The following SLC24A2 variants were observed in gnomAD, a reference collection of about 807,000 sequenced individuals.
SLC24A2 encodes sodium/potassium/calcium exchanger 2.
SLC24A2 carries 36 observed loss-of-function variants against 62.0 expected under a neutral mutation model. That is an observed-to-expected ratio of 0.58 (90% CI 0.44 to 0.77). The LOEUF is 0.77. Ranked by LOEUF, SLC24A2 falls within the 30% of genes least tolerant of loss-of-function variation. SLC24A2 has a pLI of 0.00. For synonymous variants in SLC24A2, 358 were observed against 294.0 expected, an observed-to-expected ratio of 1.22 and a Z score of -2.23; for missense variants, 846 against 817.9, an observed-to-expected ratio of 1.03 and a Z score of -0.42.
the SLC24A2 span, among the ~76,000 whole-genome samples, chr9:20,140,521 A>G: frequency 5.9e-5 from 9 of 152,154 alleles, no homozygotes; most frequent in Admixed American, 5.9e-4. Flanking sequence ...ATTTACAGCT[A>G]TTGGATGCAG....
chr9:20,264,145 A>G, the SLC24A2 span, among the ~76,000 whole-genome samples: 1 of 152,054 alleles, frequency 6.6e-6, no homozygotes, highest in Non-Finnish European at 1.5e-5. Flanking sequence ...AGGTGTAACA[A>G]AGGCAGTTAG....
chr9:19,958,920 T>C, the SLC24A2 span, among the ~76,000 whole-genome samples: 1 of 152,216 alleles, frequency 6.6e-6, no homozygotes, highest in Non-Finnish European at 1.5e-5. Flanking sequence ...TAATACATGA[T>C]TCTTTGGGAT....
chr9:19,939,778 A>G, the SLC24A2 span, among the ~76,000 whole-genome samples: 1 of 152,208 alleles, frequency 6.6e-6, no homozygotes, highest in Non-Finnish European at 1.5e-5. Flanking sequence ...GTTGACCAAA[A>G]TGTCATCATG....
At chr9:19,625,229 G>A (rs1818004112) in intron 2 of SLC24A2, among the ~76,000 whole-genome samples, 1 of 151,984 alleles carries the variant, frequency 6.6e-6, no homozygotes, top group Non-Finnish European at 1.5e-5. Flanking sequence ...ACTCATTTGG[G>A]CTGTATTAAT....
chr9:19,897,688 TC>T, the SLC24A2 span, among the ~76,000 whole-genome samples: 2 of 152,174 alleles, frequency 1.3e-5, no homozygotes, highest in Non-Finnish European at 2.9e-5. Context: ...TTTAAATCGT[TC>T]CCATTTTATC....
In SLC24A2 at chr9:19,507,813, G is replaced by C. The variant is rs1275139567; in HGVS notation, c.*8340C>G. 6.6e-6 allele frequency: 1 copy of C among 152,228 alleles called. No homozygotes were observed. The highest frequency in any genetic ancestry group is 1.9e-4 in the East Asian group (1 of 5,198). The allele number at this position is 152,228 out of a possible 1,614,324, so 9.4% of individuals were successfully genotyped here. On this transcript the variant is annotated 3_prime_UTR_variant, in exon 11 of 11. Coordinates refer to ENST00000341998, the MANE Select transcript of SLC24A2 (RefSeq NM_020344.4). ...TCCACTGGATTTTTGTAGGGATGAG[G>C]ATAGGGGTTACAATGCTCCTTTAAA...
chr9:19,717,204 C>A (rs543982372), intron 2 of SLC24A2, among the ~76,000 whole-genome samples: 5 of 152,296 alleles, frequency 3.3e-5, no homozygotes, highest in African/African-American at 1.2e-4. Context: ...GGCCAAAGGG[C>A]TCCAAGTTTT....
chr9:20,096,076 C>CATCT, the SLC24A2 span, among the ~76,000 whole-genome samples: 1 of 144,392 alleles, frequency 6.9e-6, no homozygotes, highest in African/African-American at 2.8e-5. Flanking sequence ...TGTATCCATC[C>CATCT]ATCCATCCAT....
the SLC24A2 span, among the ~76,000 whole-genome samples, chr9:20,133,656 T>G: frequency 0.012 from 1,754 of 152,314 alleles, 27 homozygotes; most frequent in African/African-American, 0.04. Flanking sequence ...TTTCATTTAC[T>G]TCATTATTTC....
At chr9:19,800,632 A>C in the SLC24A2 span, among the ~76,000 whole-genome samples, 6 of 150,990 alleles carry the variant, frequency 4.0e-5, no homozygotes, top group African/African-American at 1.5e-4. Flanking sequence ...TGTATTATAC[A>C]GTACTACTAC....
chr9:19,522,891 T>C (rs1439755973), intron 9 of SLC24A2, among the ~76,000 whole-genome samples: 2 of 152,366 alleles, frequency 1.3e-5, no homozygotes, highest in Non-Finnish European at 2.9e-5. Context: ...TGTCAGTTTT[T>C]TGTTAGATTT....
the SLC24A2 span, among the ~76,000 whole-genome samples, chr9:20,096,291 T>C: frequency 6.6e-6 from 1 of 152,202 alleles, no homozygotes; most frequent in Non-Finnish European, 1.5e-5. Flanking sequence ...TTTTATTTAC[T>C]TTAACTCAAT....
the SLC24A2 span, among the ~76,000 whole-genome samples, chr9:20,098,808 T>C: frequency 1.3e-5 from 2 of 152,184 alleles, no homozygotes; most frequent in African/African-American, 2.4e-5. Flanking sequence ...TCAAGCTCCT[T>C]TAGGGAAAAA....
At chr9:19,851,860 T>G in the SLC24A2 span, among the ~76,000 whole-genome samples, 1 of 152,194 alleles carries the variant, frequency 6.6e-6, no homozygotes, top group Non-Finnish European at 1.5e-5. Context: ...ATGGAATTGC[T>G]GGGTCAAATG....
chr9:19,811,415 G>T, the SLC24A2 span, among the ~76,000 whole-genome samples: 4 of 152,086 alleles, frequency 2.6e-5, no homozygotes, highest in Non-Finnish European at 5.9e-5. Flanking sequence ...TTTGCAATGG[G>T]TTCATTTACA....
intron 5 of SLC24A2, among the ~76,000 whole-genome samples, chr9:19,580,530 A>C (rs1836171800): frequency 2.0e-5 from 3 of 152,204 alleles, no homozygotes; most frequent in Non-Finnish European, 2.9e-5. Flanking sequence ...CCAGCAGAGA[A>C]CCTGTGATTT....
chr9:19,750,973 G>T (rs1394614708), intron 2 of SLC24A2, among the ~76,000 whole-genome samples: 1 of 152,114 alleles, frequency 6.6e-6, no homozygotes, highest in Non-Finnish European at 1.5e-5. Context: ...CTTCCTTCTC[G>T]ACTGAAGATT....
chr9:19,986,804 A>G, the SLC24A2 span, among the ~76,000 whole-genome samples: 66 of 152,244 alleles, frequency 4.3e-4, 1 homozygote, highest in South Asian at 8.9e-3. Flanking sequence ...GGAAGTAACT[A>G]CTTAATGGGT....
the SLC24A2 span, among the ~76,000 whole-genome samples, chr9:20,015,877 T>C: frequency 2.0e-5 from 3 of 152,218 alleles, no homozygotes; most frequent in Non-Finnish European, 2.9e-5. Context: ...ACAGGAAATG[T>C]CCCACTTAAC....
Sources: allele counts gnomAD v4.1 joint callset (sites outside exome capture counted in the v4.1 genomes callset), GRCh38; gene constraint gnomAD v4.1.1; transcripts MANE v1.5; gene names NCBI Gene and HGNC (gene_info 2026-07-23, HGNC 2026-07-21).